Variants in DPP9 observed in about 807,000 individuals in gnomAD.
The protein encoded by DPP9 is dipeptidyl peptidase 9, also known as dipeptidyl peptidase IV-related protein-2.
Under a neutral mutation model 110.7 loss-of-function variants are expected in DPP9, and 50 were observed. That is an observed-to-expected ratio of 0.45 (90% confidence interval 0.36 to 0.57). The LOEUF is 0.57. Ranked by LOEUF, DPP9 falls within the 20% of genes least tolerant of loss-of-function variation. The pLI is 0.00. For missense variants in DPP9, 1,022 were observed against 1,217.9 expected (o/e 0.84, Z 2.39); for synonymous variants, 561 against 514.4 (o/e 1.09, Z -1.23).
At chr19:4,713,833 A>G (rs1467835237) in intron 4 of DPP9, among the ~76,000 whole-genome samples, 2 of 152,084 alleles carry the variant, frequency 1.3e-5, no homozygotes, top group East Asian at 1.9e-4. Flanking sequence ...GGCCACATGG[A>G]GGAGCGGGGC....
At chr19:4,720,077 G>A in intron 2 of DPP9, 136 bp from the exon 3 acceptor site, 1 of 707,970 alleles carries the variant, frequency 1.4e-6, no homozygotes, top group Non-Finnish European at 2.4e-6. Flanking sequence ...GAAGCCAAGG[G>A]CATTCTGAAG....
intron 21 of DPP9, among the ~76,000 whole-genome samples, chr19:4,677,437 A>T (rs1399068999): frequency 1.3e-5 from 2 of 152,150 alleles, no homozygotes; most frequent in African/African-American, 4.8e-5. Flanking sequence ...CCTGCCAGTG[A>T]GATGGGTTTC....
chr19:4,685,234 C>A lies in DPP9; in HGVS notation c.2031+392G>T. 2 of 520,306 alleles carry A rather than the reference C, an allele frequency of 3.8e-6. No homozygotes were observed. Among genetic ancestry groups the A allele is most frequent in the Non-Finnish European group, 7.4e-6 (2 of 268,880 alleles). The allele number at this position is 520,306 out of a possible 1,614,324, so 32.2% of individuals were successfully genotyped here. On this transcript the variant is annotated intron_variant, in intron 17 of 21. Coordinates refer to ENST00000262960, the MANE Select transcript of DPP9 (RefSeq NM_139159.5). The surrounding 1 kb of genome is among the most constrained non-coding windows in gnomAD (Gnocchi z 5.8). ...TATCCTCTGTGGGGACAGAGCTGCT[C>A]TGGGTAAGATGTGCGCCTAAGATGG...
At chr19:4,679,467 G>A (rs2089476502) in intron 21 of DPP9, 2 of 259,528 alleles carry the variant, frequency 7.7e-6, no homozygotes, top group African/African-American at 4.5e-5. Context: ...GCCTGCTAGG[G>A]CCTTCAGCAC....
rs1329665909 is a variant in DPP9 at position 4,722,040 on chromosome 19, G to A, written c.-36+459C>T. 5.3e-5 allele frequency among the ~76,000 whole-genome samples: 8 copies of A among 152,202 alleles called. No homozygotes were observed. The East Asian group carries it at 1.3e-3, about 26-fold the overall frequency. ...CCTGGGGCCACCAAGGGAATTGAATGAGACTGCACACATACAGCTTTTAAC... is the reference window on the plus strand; with the variant it reads ...CCTGGGGCCACCAAGGGAATTGAATAAGACTGCACACATACAGCTTTTAAC... On this transcript the variant is annotated intron_variant, in intron 2 of 21. Transcript: ENST00000262960.
Position 4,681,450 on chromosome 19 carries a change from G to A in DPP9, c.2474+1246C>T, listed in dbSNP as rs144242724. Among the ~76,000 whole-genome samples, 364 of 152,068 alleles carry A rather than the reference G, an allele frequency of 2.4e-3. 2 individuals carry two copies. The highest frequency in any genetic ancestry group is 4.5e-3 in the Non-Finnish European group (305 of 67,982). On this transcript the variant is annotated intron_variant, in intron 20 of 21. Transcript: ENST00000262960. Reference sequence around the variant, plus strand: ...CCTGCCTCGGCCTCCTTGAGTAGCCGGGATTACAGGTGTGTGTCACCACAC... The same window carrying A: ...CCTGCCTCGGCCTCCTTGAGTAGCCAGGATTACAGGTGTGTGTCACCACAC...
At chr19:4,714,426 C>T in intron 3 of DPP9, 89 bp from the exon 4 acceptor site, 1 of 1,422,798 alleles carries the variant, frequency 7.0e-7, no homozygotes, top group Non-Finnish European at 9.2e-7. Flanking sequence ...CACTCAGGTT[C>T]TTCCAGACGA....
intron 4 of DPP9, among the ~76,000 whole-genome samples, chr19:4,708,856 TAC>T (rs1418488040): frequency 6.6e-6 from 1 of 152,168 alleles, no homozygotes; most frequent in Non-Finnish European, 1.5e-5. Flanking sequence ...AAATAATTTA[TAC>T]AACAAACCCC....
At chr19:4,701,744 G>C (rs1262189615) in intron 9 of DPP9, among the ~76,000 whole-genome samples, 1 of 152,220 alleles carries the variant, frequency 6.6e-6, no homozygotes, top group South Asian at 2.1e-4. Context: ...TGGGGCAGTT[G>C]CAAGAGAGCC....
intron 4 of DPP9, among the ~76,000 whole-genome samples, chr19:4,709,363 CA>C (rs1225514044): frequency 1.3e-5 from 2 of 152,084 alleles, no homozygotes; most frequent in Non-Finnish European, 2.9e-5. Flanking sequence ...ATTAGATTAA[CA>C]GGGTTCCTTT....
chr19:4,695,211 CT>C lies in DPP9; in HGVS notation c.1353+166del, dbSNP rs1198737890. Reference sequence around the variant, plus strand: ...ATGGCTGCCAGACTCACCAACCCCCCTAGACCCTCTTCCCTGCCAGCCAGGG... The same window carrying C: ...ATGGCTGCCAGACTCACCAACCCCCCAGACCCTCTTCCCTGCCAGCCAGGG... On this transcript the variant is annotated intron_variant, in intron 12 of 21. Transcript: ENST00000262960. The surrounding 1 kb of genome is among the most constrained non-coding windows in gnomAD (Gnocchi z 4.7). 4.4e-5 allele frequency: 31 copies of C among 711,204 alleles called. No individual in the cohort carries two copies. In the East Asian group the frequency reaches 8.1e-4, roughly 19 times the overall value. 44.1% of individuals were successfully genotyped at this position (711,204 alleles called of 1,614,324 possible). A position where few individuals can be genotyped will look rare whatever the true frequency, so the allele number is the denominator to read the frequency against.
Position 4,704,109 on chromosome 19 carries a change from C to G in DPP9, c.600+22G>C. The G allele has an allele frequency of 6.2e-7, 1 of 1,613,790 alleles. No individual in the cohort carries two copies. The highest frequency in any genetic ancestry group is 1.3e-5 in the African/African-American group (1 of 75,060). ...AGGGGCCCTCCACGCCACCCCCGCA[C>G]ACAGCCAGGGCCAGGGCTCACCATG... On this transcript the variant is annotated intron_variant, in intron 6 of 21. Coordinates refer to ENST00000262960, the MANE Select transcript of DPP9 (RefSeq NM_139159.5). This position sits in a 1 kb window ranked among gnomAD's most constrained non-coding sequence, Gnocchi z 6.0.
In DPP9 at chr19:4,684,736, G is replaced by A. The variant is rs988851117; in HGVS notation, c.2105C>T (p.Ala702Val). 6.2e-7 allele frequency: 1 copy of A among 1,610,364 alleles called. No homozygotes were observed. The highest frequency in any genetic ancestry group is 2.2e-5 in the East Asian group (1 of 44,754). Residue 702 changes from alanine (A) to valine (V), a missense_variant, in exon 18 of 22, where the codon GCC (alanine) becomes GTC (valine). Coordinates refer to ENST00000262960, the MANE Select transcript of DPP9 (RefSeq NM_139159.5). The surrounding 1 kb of genome is among the most constrained non-coding windows in gnomAD (Gnocchi z 4.8). Reference sequence around the variant, plus strand: ...GCCCCTGCCGTCAATCACAACCACGGCGTAGCCCAGGGAGGCCAGTGTGTT... The same window carrying A: ...GCCCCTGCCGTCAATCACAACCACGACGTAGCCCAGGGAGGCCAGTGTGTT... Reference protein sequence around the residue: ...RLNTLASLGYAVVVIDGRGSC... With the variant: ...RLNTLASLGYVVVVIDGRGSC...
At chr19:4,717,825 G>C (rs2093149922) in intron 3 of DPP9, 1 of 152,304 alleles carries the variant, frequency 6.6e-6, no homozygotes, top group Non-Finnish European at 1.5e-5. Flanking sequence ...CAGAGAGGCT[G>C]GCGCAAGAGT....
chr19:4,722,808 G>A (rs1182069090), intron 1 of DPP9: 1 of 432,980 alleles, frequency 2.3e-6, no homozygotes, highest in East Asian at 4.0e-5. Context: ...CACCCCCTGG[G>A]CTTTAGTCCC....
At chr19:4,678,401 C>A (rs2145251570) in intron 21 of DPP9, among the ~76,000 whole-genome samples, 2 of 152,380 alleles carry the variant, frequency 1.3e-5, no homozygotes, top group Non-Finnish European at 2.9e-5. Flanking sequence ...GCGTGAGCCA[C>A]CACGCCCGGC....
chr19:4,677,444 T>C (rs1358490529), intron 21 of DPP9, among the ~76,000 whole-genome samples: 1 of 151,930 alleles, frequency 6.6e-6, no homozygotes, highest in Non-Finnish European at 1.5e-5. Flanking sequence ...GTGAGATGGG[T>C]TTCTGAATCA....
chr19:4,714,845 C>G (rs1403304834), intron 3 of DPP9, among the ~76,000 whole-genome samples: 1 of 152,048 alleles, frequency 6.6e-6, no homozygotes, highest in Non-Finnish European at 1.5e-5. Flanking sequence ...CTGCCAAGCC[C>G]TTGAATCTCA....
intron 4 of DPP9, among the ~76,000 whole-genome samples, chr19:4,709,392 A>C (rs2092729846): frequency 6.6e-6 from 1 of 152,156 alleles, no homozygotes; most frequent in Admixed American, 6.5e-5. Flanking sequence ...TATTTATGAA[A>C]AATGCAAAGT....
Sources: allele counts gnomAD v4.1 joint callset (sites outside exome capture counted in the v4.1 genomes callset), GRCh38; gene constraint gnomAD v4.1.1; non-coding constraint Gnocchi (gnomAD v3.1); transcripts MANE v1.5; gene names NCBI Gene and HGNC (gene_info 2026-07-23, HGNC 2026-07-21).